Variants in PCDH19 observed in about 807,000 individuals in gnomAD.
PCDH19 encodes the protein protocadherin 19, also known as protocadherin-19.
PCDH19 carries 6 observed loss-of-function variants against 46.2 expected under a neutral mutation model. The ratio of observed to expected loss-of-function variants is 0.13; its 90% CI spans 0.07 to 0.26. The LOEUF is 0.26. Ranked by LOEUF, PCDH19 falls within the 10% of genes least tolerant of loss-of-function variation. The pLI, the probability that PCDH19 is intolerant of heterozygous loss-of-function variation, is 1.00. For synonymous variants in PCDH19, 481 were observed against 415.7 expected (o/e 1.16, Z -1.91); for missense variants, 740 against 972.3 (o/e 0.76, Z 3.18).
intron 3 of PCDH19, among the ~76,000 whole-genome samples, chrX:100,363,375 A>G (rs747424921): frequency 2.8e-4 from 31 of 108,923 alleles, no homozygotes; most frequent in African/African-American, 1.0e-3. Flanking sequence ...TTTAGGACCA[A>G]ATGTGCAAGC....
At chrX:100,301,805 G>A (rs1924790722) in intron 5 of PCDH19, among the ~76,000 whole-genome samples, 1 of 111,972 alleles carries the variant, frequency 8.9e-6, no homozygotes, top group Non-Finnish European at 1.9e-5. Flanking sequence ...CCTACTCTAT[G>A]AAGCAGAGAT....
intron 3 of PCDH19, among the ~76,000 whole-genome samples, chrX:100,356,347 A>G (rs375241896): frequency 6.3e-5 from 7 of 111,746 alleles, no homozygotes; most frequent in African/African-American, 2.3e-4. Context: ...CTGACTTCCA[A>G]TAATGATAAT....
intron 3 of PCDH19, among the ~76,000 whole-genome samples, chrX:100,351,071 T>C (rs1378213153): frequency 8.9e-6 from 1 of 112,968 alleles, no homozygotes; most frequent in Non-Finnish European, 1.9e-5. Context: ...AGTTCAAAGG[T>C]ATTTTTATTA....
intron 3 of PCDH19, among the ~76,000 whole-genome samples, chrX:100,373,250 G>GC (rs1172993757): frequency 8.9e-6 from 1 of 112,607 alleles, no homozygotes; most frequent in Non-Finnish European, 1.9e-5. Flanking sequence ...CTTGTGATCT[G>GC]CCCCCCTCAG....
chrX:100,393,984 G>A (rs1473583605), intron 3 of PCDH19, among the ~76,000 whole-genome samples: 1 of 111,835 alleles, frequency 8.9e-6, no homozygotes, highest in African/African-American at 3.3e-5. Flanking sequence ...TGGCCAACAC[G>A]GTGAAACCCT....
chrX:100,393,176 G>C (rs1278480578), intron 3 of PCDH19, among the ~76,000 whole-genome samples: 1 of 110,554 alleles, frequency 9.0e-6, no homozygotes, highest in Non-Finnish European at 1.9e-5. Flanking sequence ...CAATTAAAAA[G>C]AGTCTCTGAG....
chrX:100,403,858 C>G (rs1171691236), intron 1 of PCDH19, among the ~76,000 whole-genome samples, 194 bp from the exon 2 acceptor site: 1 of 112,482 alleles, frequency 8.9e-6, no homozygotes, highest in Non-Finnish European at 1.9e-5. Flanking sequence ...GCCAGATTCT[C>G]AAAGTCATTT....
intron 5 of PCDH19, among the ~76,000 whole-genome samples, chrX:100,322,863 A>ATTTTTTT (rs1358059816): frequency 2.0e-3 from 79 of 40,102 alleles, no homozygotes; most frequent in African/African-American, 6.5e-3. Flanking sequence ...ATATATATAT[A>ATTTTTTT]TATTTTTGCA....
intron 3 of PCDH19, among the ~76,000 whole-genome samples, chrX:100,353,404 C>G (rs141019258): frequency 5.4e-5 from 6 of 111,955 alleles, no homozygotes; most frequent in African/African-American, 1.6e-4. Context: ...AGGCATGGAA[C>G]CTGTGTGCAC....
intron 4 of PCDH19, among the ~76,000 whole-genome samples, chrX:100,345,576 A>T (rs1926374368): frequency 9.0e-6 from 1 of 111,692 alleles, no homozygotes; most frequent in Admixed American, 9.6e-5. Context: ...TCTGCCTTTT[A>T]AAAAATTGAT....
intron 3 of PCDH19, among the ~76,000 whole-genome samples, chrX:100,379,195 C>T (rs1238475305): frequency 1.8e-5 from 2 of 110,452 alleles, no homozygotes; most frequent in Non-Finnish European, 3.8e-5. Flanking sequence ...ACAACAGCCC[C>T]GGGAAAGCAA....
intron 3 of PCDH19, among the ~76,000 whole-genome samples, chrX:100,400,340 G>A (rs975199246): frequency 1.8e-5 from 2 of 111,951 alleles, no homozygotes; most frequent in African/African-American, 6.5e-5. Flanking sequence ...TACTATTTTG[G>A]GGACACCAAT....
intron 3 of PCDH19, among the ~76,000 whole-genome samples, chrX:100,354,793 A>G (rs896321218): frequency 1.3e-4 from 14 of 111,625 alleles, no homozygotes; most frequent in Admixed American, 1.1e-3. Flanking sequence ...GGCAAACAAC[A>G]TGAAACATTT....
At chrX:100,330,251 C>T (rs1168927461) in intron 5 of PCDH19, among the ~76,000 whole-genome samples, 1 of 112,280 alleles carries the variant, frequency 8.9e-6, no homozygotes, top group Non-Finnish European at 1.9e-5. Flanking sequence ...CATCATTCCT[C>T]TTTTTCCTCT....
intron 5 of PCDH19, among the ~76,000 whole-genome samples, chrX:100,317,275 TG>T (rs1396718336): frequency 8.9e-6 from 1 of 112,114 alleles, no homozygotes; most frequent in African/African-American, 3.2e-5. Context: ...TTTACACAGC[TG>T]GAACTGTACA....
intron 3 of PCDH19, among the ~76,000 whole-genome samples, chrX:100,393,497 TACACACACACACACACACACAC>T (rs57070852): frequency 1.1e-5 from 1 of 90,068 alleles, no homozygotes; most frequent in Non-Finnish European, 2.2e-5. Context: ...CATACATACA[TACACACACACACACACACACAC>T]ACACACACAC....
At chrX:100,398,492 C>T (rs770974276) in intron 3 of PCDH19, among the ~76,000 whole-genome samples, 120 of 112,191 alleles carry the variant, frequency 1.1e-3, no homozygotes, top group Non-Finnish European at 1.9e-3. Context: ...GGCAAATCTA[C>T]ATAAAATGTA....
chrX:100,363,854 T>G (rs979182251), intron 3 of PCDH19, among the ~76,000 whole-genome samples: 9 of 26,808 alleles, frequency 3.4e-4, no homozygotes, highest in Admixed American at 5.7e-4. Flanking sequence ...AGAATGTGCG[T>G]GCGTGTGTGT....
rs1389564066 is a variant in PCDH19 at position 100,294,608 on chromosome X, G to A, written c.*1669C>T. The A allele has an allele frequency of 9.0e-6, 1 of 111,636 alleles. No homozygotes were observed. The allele number at this position is 111,636 out of a possible 1,213,427, so 9.2% of individuals were successfully genotyped here. A position where few individuals can be genotyped will look rare whatever the true frequency, so the allele number is the denominator to read the frequency against. On this transcript the variant is annotated 3_prime_UTR_variant, in exon 6 of 6. Coordinates refer to ENST00000373034, the MANE Select transcript of PCDH19 (RefSeq NM_001184880.2). ...TGCATTCTAGTGCTCTAACCTCTAG[G>A]CCTTCTCTCTGTGTATTCCTGAATT...
Sources: gnomAD v4.1 joint callset for allele counts (sites outside exome capture counted in the v4.1 genomes callset) on GRCh38, gnomAD v4.1.1 for gene constraint, MANE v1.5 for transcripts, NCBI Gene and HGNC (gene_info 2026-07-23, HGNC 2026-07-21) for gene names.